The following LRRC28 variants were observed in gnomAD, a reference collection of about 807,000 sequenced individuals.
The protein encoded by LRRC28 is leucine-rich repeat-containing protein 28.
A neutral mutation model predicts 45.7 loss-of-function variants in LRRC28; 39 were observed. That is an observed-to-expected ratio of 0.85 (90% CI 0.66 to 1.12). LRRC28 has a LOEUF of 1.12. Ranked by LOEUF, LRRC28 falls within the 50% of genes most tolerant of loss-of-function variation. The probability of loss-of-function intolerance (pLI) is 0.00; values close to 1 mark genes in which losing one functional copy is unlikely to be tolerated. For synonymous variants in LRRC28, 206 were observed against 178.8 expected (o/e 1.15, Z -1.22); for missense variants, 435 against 438.5 (o/e 0.99, Z 0.07).
At chr15:99,346,939 G>A (rs900001046) in intron 6 of LRRC28, among the ~76,000 whole-genome samples, 66 of 151,944 alleles carry the variant, frequency 4.3e-4, no homozygotes, top group Non-Finnish European at 1.2e-4. Flanking sequence ...TTTATAACAC[G>A]ATATTATGGG....
chr15:99,277,216 T>G, intron 3 of LRRC28, among the ~76,000 whole-genome samples: 1 of 152,116 alleles, frequency 6.6e-6, no homozygotes, highest in East Asian at 1.9e-4. Flanking sequence ...TGCTATTTCT[T>G]GTACTCTTTG....
chr15:99,333,860 A>T, intron 5 of LRRC28, 63 bp from the exon 6 acceptor site: 1 of 1,507,336 alleles, frequency 6.6e-7, no homozygotes, highest in Non-Finnish European at 9.2e-7. Flanking sequence ...TATAATATTG[A>T]TTCATTTTGT....
chr15:99,285,656 C>A, intron 3 of LRRC28: 1 of 623,500 alleles, frequency 1.6e-6, no homozygotes. Context: ...TTTCATACAG[C>A]ATCTTGATTA....
At chr15:99,333,746 A>C (rs1956229591) in intron 5 of LRRC28, 177 bp from the exon 6 acceptor site, 1 of 655,622 alleles carries the variant, frequency 1.5e-6, no homozygotes. Context: ...ATTTAAAAAC[A>C]CTCACCTAGC....
In LRRC28 at chr15:99,328,962, A is replaced by G. The variant is rs74330555; in HGVS notation, c.386-4961A>G. On this transcript the variant is annotated intron_variant, in intron 5 of 9. Transcript: ENST00000301981. ...CGTTCCAGCTTGCAGACAGTCTGTCATGGGACTTCTCATACATGAACTGAT... is the reference window on the plus strand; with the variant it reads ...CGTTCCAGCTTGCAGACAGTCTGTCGTGGGACTTCTCATACATGAACTGAT... Among the ~76,000 whole-genome samples, 289 of 152,052 alleles carry G rather than the reference A, an allele frequency of 1.9e-3. 2 individuals carry two copies. The highest frequency in any genetic ancestry group is 6.7e-3 in the African/African-American group (278 of 41,442).
At chr15:99,297,267 T>G (rs2082289624) in intron 5 of LRRC28, 1 of 151,984 alleles carries the variant, frequency 6.6e-6, no homozygotes, top group Non-Finnish European at 1.5e-5. Flanking sequence ...TTTATTTTAT[T>G]TTAGGGGCAG....
intron 5 of LRRC28, among the ~76,000 whole-genome samples, chr15:99,296,625 A>G (rs2082270998): frequency 6.6e-6 from 1 of 152,200 alleles, no homozygotes; most frequent in African/African-American, 2.4e-5. Context: ...CAATATACGT[A>G]AATAGATTTT....
At chr15:99,291,632 C>G (rs1265673450) in intron 5 of LRRC28, among the ~76,000 whole-genome samples, 3 of 152,216 alleles carry the variant, frequency 2.0e-5, no homozygotes, top group Non-Finnish European at 2.9e-5. Flanking sequence ...CATGCTGAGA[C>G]TTGTCACATG....
chr15:99,282,518 T>C (rs2081832808), intron 3 of LRRC28, among the ~76,000 whole-genome samples: 2 of 152,192 alleles, frequency 1.3e-5, no homozygotes, highest in African/African-American at 4.8e-5. Flanking sequence ...ACTGTGTTTT[T>C]ACTGTACCTT....
chr15:99,275,380 T>G (rs528141707), intron 2 of LRRC28, among the ~76,000 whole-genome samples: 6 of 152,346 alleles, frequency 3.9e-5, no homozygotes, highest in Non-Finnish European at 7.3e-5. Context: ...TCTACTCTGA[T>G]GTCTGGACCT....
At chr15:99,361,971 C>T (rs1010379334) in intron 8 of LRRC28, among the ~76,000 whole-genome samples, 1 of 152,124 alleles carries the variant, frequency 6.6e-6, no homozygotes, top group Non-Finnish European at 1.5e-5. Context: ...GCCGCCTCCT[C>T]GCATCTCAGC....
intron 7 of LRRC28, among the ~76,000 whole-genome samples, chr15:99,358,283 T>C (rs1329496190): frequency 6.6e-6 from 1 of 152,208 alleles, no homozygotes; most frequent in East Asian, 1.9e-4. Flanking sequence ...GTGAAATTTT[T>C]ATTAAAGGAT....
At chr15:99,300,839 A>T (rs1458015514) in intron 5 of LRRC28, among the ~76,000 whole-genome samples, 1 of 152,156 alleles carries the variant, frequency 6.6e-6, no homozygotes, top group Non-Finnish European at 1.5e-5. Context: ...AAATAAAATA[A>T]AATAAAAAGT....
At chr15:99,257,786 G>A in intron 2 of LRRC28, 3 of 780,160 alleles carry the variant, frequency 3.8e-6, no homozygotes, top group East Asian at 4.9e-5. Context: ...TACAGAGAGA[G>A]GAAGAAGCTA....
At chr15:99,365,464 G>C (rs1258174165) in intron 9 of LRRC28, among the ~76,000 whole-genome samples, 2 of 152,226 alleles carry the variant, frequency 1.3e-5, no homozygotes, top group Admixed American at 6.5e-5. Context: ...ACCAGGCTGT[G>C]CTCCTTCCCA....
intron 3 of LRRC28, chr15:99,285,255 C>G: frequency 2.7e-6 from 2 of 733,854 alleles, no homozygotes; most frequent in African/African-American, 1.7e-5. Context: ...ATGTCATCAA[C>G]AAATATCTTT....
chr15:99,347,320 T>C (rs1228901120), intron 6 of LRRC28, among the ~76,000 whole-genome samples: 3 of 151,950 alleles, frequency 2.0e-5, no homozygotes, highest in South Asian at 2.1e-4. Context: ...CGCCCTTCTC[T>C]TGCCTCAGCC....
intron 3 of LRRC28, among the ~76,000 whole-genome samples, chr15:99,283,037 C>T (rs931167758): frequency 3.3e-5 from 5 of 151,896 alleles, no homozygotes; most frequent in Non-Finnish European, 7.4e-5. Context: ...GGATTACAGG[C>T]ATGTGCCACC....
chr15:99,283,944 A>G (rs1359372850), intron 3 of LRRC28, among the ~76,000 whole-genome samples: 2 of 152,242 alleles, frequency 1.3e-5, no homozygotes, highest in Non-Finnish European at 2.9e-5. Context: ...CATAATAACT[A>G]TAATAACAAT....
Sources: gnomAD v4.1 joint callset for allele counts (sites outside exome capture counted in the v4.1 genomes callset) on GRCh38, gnomAD v4.1.1 for gene constraint, MANE v1.5 for transcripts, NCBI Gene and HGNC (gene_info 2026-07-23, HGNC 2026-07-21) for gene names.